AKAP13: variants seen among roughly 807,000 people sequenced by gnomAD.
AKAP13 encodes A-kinase anchor protein 13.
A neutral mutation model predicts 264.5 loss-of-function variants in AKAP13; 80 were observed. The ratio of observed to expected loss-of-function variants is 0.30; its 90% CI spans 0.25 to 0.36. AKAP13 has a LOEUF of 0.36. Among genes scored for constraint, AKAP13 ranks in the 10% least tolerant of loss-of-function variants. The pLI, the probability that AKAP13 is intolerant of heterozygous loss-of-function variation, is 1.00. For synonymous variants in AKAP13, 1,380 were observed against 1,250.2 expected, an observed-to-expected ratio of 1.10 and a Z score of -2.19; for missense variants, 3,712 against 3,435.2, an observed-to-expected ratio of 1.08 and a Z score of -2.01.
At chr15:85,558,983 T>G (rs2078251846) in intron 5 of AKAP13, among the ~76,000 whole-genome samples, 1 of 152,002 alleles carries the variant, frequency 6.6e-6, no homozygotes, top group African/African-American at 2.4e-5. Flanking sequence ...CCCCCTCATT[T>G]CTTGGAAATT....
In AKAP13 at chr15:85,484,389, A is replaced by G. The variant is rs1272128925; in HGVS notation, c.-11-1321A>G. Among the ~76,000 whole-genome samples, 7 of 152,216 alleles carry G rather than the reference A, an allele frequency of 4.6e-5. 1 individual carries two copies. The highest frequency in any genetic ancestry group is 1.3e-4 in the Admixed American group (2 of 15,280). ...AAAAGTACAAAGTCATTAAGTGAAG[A>G]TAGTCAGGAAGGAAAGAGTGCCCTG... On this transcript the variant is annotated intron_variant, in intron 1 of 36. Coordinates refer to ENST00000394518, the MANE Select transcript of AKAP13 (RefSeq NM_007200.5).
At chr15:85,563,387 T>A (rs1249119599) in intron 5 of AKAP13, among the ~76,000 whole-genome samples, 1 of 143,006 alleles carries the variant, frequency 7.0e-6, no homozygotes, top group African/African-American at 2.5e-5. Flanking sequence ...GGCTAGGCAG[T>A]TTGTCCAACA....
At chr15:85,569,352 G>A (rs769787426) in intron 5 of AKAP13, among the ~76,000 whole-genome samples, 10 of 152,032 alleles carry the variant, frequency 6.6e-5, no homozygotes, top group African/African-American at 2.4e-4. Flanking sequence ...TGAGGAAGAG[G>A]AGCCAGGGAA....
intron 8 of AKAP13, among the ~76,000 whole-genome samples, chr15:85,628,281 T>C (rs2081526760): frequency 6.6e-6 from 1 of 152,210 alleles, no homozygotes; most frequent in African/African-American, 2.4e-5. Context: ...CCTTCTTGTC[T>C]ATTGCTGTAC....
intron 1 of AKAP13, among the ~76,000 whole-genome samples, chr15:85,465,323 A>T (rs1023538391): frequency 1.3e-5 from 2 of 152,006 alleles, no homozygotes; most frequent in African/African-American, 4.8e-5. Flanking sequence ...TTAAAGGCAA[A>T]TATTTGGATC....
rs768892383 is a variant in AKAP13, at chr15:85,682,144, G to C, written c.5102-14G>C. ...ATTTTTTGGTTCTAACTTTTTTTCT[G>C]CCTTGTTTTCTAGATTCACGGCCCT... is the stretch of plus-strand genomic sequence containing the variant. On this transcript the variant is annotated splice_polypyrimidine_tract_variant and intron_variant, in intron 14 of 36. Transcript: ENST00000394518. 4.3e-6 allele frequency: 7 copies of C among 1,612,848 alleles called. No homozygotes were observed. The highest frequency in any genetic ancestry group is 5.9e-6 in the Non-Finnish European group (7 of 1,179,790).
In AKAP13 at chr15:85,407,932, T is replaced by G. The variant is rs543325388; in HGVS notation, c.-12+27134T>G. ...TAGTTTTGGACAGATTGTGAGGGCT[T>G]GAATGCAGTGAGGTTGGAAGGGAGC... On this transcript the variant is annotated intron_variant, in intron 1 of 36. Coordinates refer to ENST00000394518, the MANE Select transcript of AKAP13 (RefSeq NM_007200.5). Among the ~76,000 whole-genome samples the G allele has an allele frequency of 7.2e-5, 11 of 151,728 alleles. No homozygotes were observed. The East Asian group carries it at 2.1e-3, about 29-fold the overall frequency.
At chr15:85,412,496 CAT>C (rs2072023343) in intron 1 of AKAP13, among the ~76,000 whole-genome samples, 1 of 152,088 alleles carries the variant, frequency 6.6e-6, no homozygotes, top group African/African-American at 2.4e-5. Context: ...TTTTGGAAAA[CAT>C]AGTTATTTTT....
At chr15:85,560,777 T>C (rs1287516104) in intron 5 of AKAP13, among the ~76,000 whole-genome samples, 2 of 152,230 alleles carry the variant, frequency 1.3e-5, no homozygotes, top group Admixed American at 1.3e-4. Flanking sequence ...TTTTTGCTTC[T>C]GTTAAATTAT....
At chr15:85,421,350 C>G (rs1163704103) in intron 1 of AKAP13, among the ~76,000 whole-genome samples, 1 of 152,238 alleles carries the variant, frequency 6.6e-6, no homozygotes, top group Non-Finnish European at 1.5e-5. Flanking sequence ...CCTTACTCTT[C>G]CTAACTGAAT....
chr15:85,708,359 G>T lies in AKAP13; in HGVS notation c.5532+273G>T, dbSNP rs338535. Among the ~76,000 whole-genome samples, 67,380 of 151,894 alleles carry T rather than the reference G, an allele frequency of 0.44. 16,021 individuals are homozygous for T. The highest frequency in any genetic ancestry group is 0.72 in the East Asian group (3,723 of 5,174). Reference sequence around the variant, plus strand: ...ATTTCTTCGTGATTTTAATATTTCCGTATTGCTCTTAAAGTGGTTTTCTTC... The same window carrying T: ...ATTTCTTCGTGATTTTAATATTTCCTTATTGCTCTTAAAGTGGTTTTCTTC... On this transcript the variant is annotated intron_variant, in intron 18 of 36. Transcript: ENST00000394518. The surrounding 1 kb of genome is among the most constrained non-coding windows in gnomAD (Gnocchi z 4.3).
chr15:85,382,605 C>G (rs114782862), intron 1 of AKAP13, among the ~76,000 whole-genome samples: 1,760 of 152,292 alleles, frequency 0.012, 31 homozygotes, highest in Middle Eastern at 0.044. Flanking sequence ...CTTTCCTTCT[C>G]TGGGCGGTGA....
At position 85,743,584 on chromosome 15, in the gene AKAP13, A is replaced by C. The variant is rs765262252; in HGVS notation, c.8151A>C (p.Lys2717Asn). The change falls in exon 36 of 37, where the codon AAA (lysine) becomes AAC (asparagine). Residue 2717 changes from lysine (K) to asparagine (N), a missense_variant. Lys to Asn is a moderately conservative substitution (Grantham distance 94, BLOSUM62 0). This residue lies in a region of AKAP13 where 611 missense variants were observed against 539.3 expected (regional missense o/e 1.13). Transcript: ENST00000394518. Reference protein sequence around the residue: ...PPSPSAPSIAKSGSLDSELSV... With the variant: ...PPSPSAPSIANSGSLDSELSV... Reference sequence around the variant, plus strand: ...CGCCATCTGCACCTTCCATAGCCAAATCAGGGTCATTGGACTCAGAACTTT... The same window carrying C: ...CGCCATCTGCACCTTCCATAGCCAACTCAGGGTCATTGGACTCAGAACTTT... The C allele has an allele frequency of 6.2e-7, 1 of 1,614,126 alleles. No homozygotes were observed. The highest frequency in any genetic ancestry group is 1.1e-5 in the South Asian group (1 of 91,078).
chr15:85,520,407 A>G (rs2076774501), intron 2 of AKAP13, among the ~76,000 whole-genome samples: 1 of 147,334 alleles, frequency 6.8e-6, no homozygotes, highest in Admixed American at 6.9e-5. Flanking sequence ...CTGAGACATG[A>G]GGATCGCTTG....
At chr15:85,705,260 C>G (rs2086164007) in intron 17 of AKAP13, among the ~76,000 whole-genome samples, 1 of 152,090 alleles carries the variant, frequency 6.6e-6, no homozygotes, top group Non-Finnish European at 1.5e-5. Context: ...ATCATCATTG[C>G]TTAAATCTCT....
chr15:85,536,244 A>G (rs1402265014), intron 4 of AKAP13: 1 of 152,222 alleles, frequency 6.6e-6, no homozygotes, highest in African/African-American at 2.4e-5. Flanking sequence ...GCCAAACCAA[A>G]TTTGAACACT....
intron 23 of AKAP13, 74 bp downstream of exon 23, chr15:85,719,400 AT>A: frequency 1.9e-6 from 3 of 1,539,280 alleles, no homozygotes; most frequent in Non-Finnish European, 2.6e-6. Context: ...ACAGCCATGC[AT>A]TCACATCTTC....
intron 34 of AKAP13, among the ~76,000 whole-genome samples, chr15:85,740,724 A>G (rs1469310638): frequency 1.1e-5 from 1 of 91,024 alleles, no homozygotes; most frequent in Non-Finnish European, 2.9e-5. Context: ...CCCACTTCCA[A>G]CACACACACA....
At chr15:85,480,391 A>G (rs2075311757) in intron 1 of AKAP13, among the ~76,000 whole-genome samples, 1 of 152,202 alleles carries the variant, frequency 6.6e-6, no homozygotes, top group Non-Finnish European at 1.5e-5. Flanking sequence ...TGTGCCTGTC[A>G]GTGTGCTTTA....
Sources: gnomAD v4.1 joint callset for allele counts (sites outside exome capture counted in the v4.1 genomes callset) on GRCh38, gnomAD v4.1.1 for gene constraint, gnomAD v4.1.1 regional missense constraint, Gnocchi (gnomAD v3.1) non-coding constraint, MANE v1.5 for transcripts, NCBI Gene and HGNC (gene_info 2026-07-23, HGNC 2026-07-21) for gene names.